Variants in PRR33 observed in about 807,000 individuals in gnomAD.
The protein encoded by PRR33 is proline rich 33.
In PRR33, 1 loss-of-function variant was observed where a neutral mutation model predicts 0.5. The observed-to-expected ratio is 2.18, with a 90% CI of 0.77 to 10.34. The LOEUF (loss-of-function observed/expected upper bound fraction) is 10.34. Among genes scored for constraint, PRR33 ranks in the 30% most tolerant of loss-of-function variants. PRR33 has a pLI of 0.13. For synonymous variants in PRR33, 226 were observed against 110.0 expected (o/e 2.06, Z -6.60); for missense variants, 552 against 251.8 (o/e 2.19, Z -8.07).
At chr11:1,890,185 T>C in exon 1 of PRR33, 1 of 716,502 alleles carries the variant, frequency 1.4e-6, no homozygotes, top group South Asian at 1.5e-5. Flanking sequence ...GTGAGGCCGA[T>C]GGAGAACGTG....
At chr11:1,911,826 C>G in the PRR33 span, among the ~76,000 whole-genome samples, 1 of 151,882 alleles carries the variant, frequency 6.6e-6, no homozygotes, top group Non-Finnish European at 1.5e-5. Context: ...TGAATCACTA[C>G]ATCATTCAGT....
chr11:1,905,523 C>T, the PRR33 span, among the ~76,000 whole-genome samples: 4 of 150,978 alleles, frequency 2.6e-5, no homozygotes, highest in African/African-American at 9.8e-5. Context: ...ACTGCAACCT[C>T]CGCCTTCTGG....
At chr11:1,893,571 GGA>G (rs1046373113), upstream of PRR33, among the ~76,000 whole-genome samples, 6 of 149,978 alleles carry the variant, frequency 4.0e-5, no homozygotes, top group East Asian at 2.0e-4. Context: ...ATGGACAGAG[GGA>G]GAGAGGGGGG....
the PRR33 span, among the ~76,000 whole-genome samples, chr11:1,901,908 G>C: frequency 6.6e-6 from 1 of 152,220 alleles, no homozygotes; most frequent in Admixed American, 6.5e-5. Flanking sequence ...GTGCATTTTA[G>C]TTATTAGGCT....
chr11:1,893,547 G>A (rs950084895), upstream of PRR33, among the ~76,000 whole-genome samples: 2 of 150,506 alleles, frequency 1.3e-5, no homozygotes, highest in African/African-American at 4.9e-5. Context: ...ATGGATGAAG[G>A]GATGGCTGGA....
chr11:1,912,928 T>C, the PRR33 span, among the ~76,000 whole-genome samples: 1 of 152,122 alleles, frequency 6.6e-6, no homozygotes, highest in African/African-American at 2.4e-5. Context: ...CAATATTTAA[T>C]TTTGTTGATC....
upstream of PRR33, among the ~76,000 whole-genome samples, chr11:1,892,997 G>A (rs1849060877): frequency 6.6e-6 from 1 of 151,612 alleles, no homozygotes; most frequent in Non-Finnish European, 1.5e-5. Context: ...GTGGGTGGGT[G>A]GGTGGATGGA....
At chr11:1,907,465 G>A in the PRR33 span, among the ~76,000 whole-genome samples, 1 of 152,224 alleles carries the variant, frequency 6.6e-6, no homozygotes, top group East Asian at 1.9e-4. Flanking sequence ...AGGCTGGAGT[G>A]CAGTGGCGCA....
the PRR33 span, among the ~76,000 whole-genome samples, chr11:1,909,831 T>A: frequency 6.6e-6 from 1 of 152,204 alleles, no homozygotes; most frequent in Non-Finnish European, 1.5e-5. Flanking sequence ...TGGCTTCATC[T>A]GAGTTGAGGG....
exon 1 of PRR33, chr11:1,888,879 C>T (rs1848864359): frequency 2.5e-6 from 1 of 402,996 alleles, no homozygotes; most frequent in South Asian, 7.8e-5. Flanking sequence ...CATCCTACAT[C>T]CCGACGCAGA....
chr11:1,911,990 C>A, the PRR33 span, among the ~76,000 whole-genome samples: 2 of 119,796 alleles, frequency 1.7e-5, no homozygotes, highest in African/African-American at 6.4e-5. Flanking sequence ...GTGAGTGAGA[C>A]CCCATCTCTA....
the PRR33 span, among the ~76,000 whole-genome samples, chr11:1,914,247 T>C: frequency 6.8e-6 from 1 of 147,230 alleles, no homozygotes; most frequent in Admixed American, 6.7e-5. Context: ...GTGTGTGTTG[T>C]AGGGTCACAC....
the PRR33 span, among the ~76,000 whole-genome samples, chr11:1,903,723 G>A: frequency 6.6e-6 from 1 of 152,174 alleles, no homozygotes; most frequent in Admixed American, 6.5e-5. Flanking sequence ...TTTCAGAGAT[G>A]AAGGATCCCA....
chr11:1,903,329 G>A, the PRR33 span: 5 of 147,762 alleles, frequency 3.4e-5, no homozygotes, highest in African/African-American at 1.2e-4. Flanking sequence ...CGGGGGGTGG[G>A]GGGCGGGTGT....
chr11:1,898,063 T>G, the PRR33 span, among the ~76,000 whole-genome samples: 1 of 152,066 alleles, frequency 6.6e-6, no homozygotes, highest in African/African-American at 2.4e-5. Context: ...CCTGATACAT[T>G]CCTCCATGTG....
At chr11:1,901,959 G>A in the PRR33 span, among the ~76,000 whole-genome samples, 21 of 152,288 alleles carry the variant, frequency 1.4e-4, no homozygotes, top group Admixed American at 3.9e-4. Flanking sequence ...ATGGCCGGGC[G>A]CGGTGGCTCA....
chr11:1,912,624 A>G, the PRR33 span, among the ~76,000 whole-genome samples: 1 of 152,200 alleles, frequency 6.6e-6, no homozygotes, highest in African/African-American at 2.4e-5. Context: ...TTTATTTTTA[A>G]GCCAGAGTCT....
exon 1 of PRR33, chr11:1,890,399 G>A: frequency 1.4e-6 from 1 of 717,058 alleles, no homozygotes; most frequent in South Asian, 1.5e-5. Flanking sequence ...GGGAGGTGCG[G>A]AAGGCCCTGG....
At chr11:1,905,484 G>C in the PRR33 span, among the ~76,000 whole-genome samples, 5 of 140,734 alleles carry the variant, frequency 3.6e-5, no homozygotes, top group Admixed American at 1.5e-4. Context: ...TGTCGCCCAG[G>C]CTGGAGTACA....
Sources: allele counts gnomAD v4.1 joint callset (sites outside exome capture counted in the v4.1 genomes callset), GRCh38; gene constraint gnomAD v4.1.1; transcripts MANE v1.5; gene names NCBI Gene and HGNC (gene_info 2026-07-23, HGNC 2026-07-21).